CNBD1: variants seen among roughly 807,000 people sequenced by gnomAD.
The protein encoded by CNBD1 is cyclic nucleotide binding domain containing 1, also known as cyclic nucleotide-binding domain-containing protein 1.
In CNBD1, 71 loss-of-function variants were observed where a neutral mutation model predicts 54.4. The observed-to-expected ratio is 1.30, with a 90% CI of 1.08 to 1.59. CNBD1 has a LOEUF of 1.59. Among genes scored for constraint, CNBD1 ranks in the 40% most tolerant of loss-of-function variants. The probability of loss-of-function intolerance (pLI) is 0.00; values close to 1 mark genes in which losing one functional copy is unlikely to be tolerated. For synonymous variants in CNBD1, 182 were observed against 170.7 expected, an observed-to-expected ratio of 1.07 and a Z score of -0.51; for missense variants, 659 against 518.0, an observed-to-expected ratio of 1.27 and a Z score of -2.64.
chr8:87,260,724 A>C (rs747480534), intron 6 of CNBD1, among the ~76,000 whole-genome samples: 30 of 151,924 alleles, frequency 2.0e-4, no homozygotes, highest in Non-Finnish European at 3.8e-4. Flanking sequence ...CCCACAACAC[A>C]GAAGAAAATC....
At chr8:87,312,579 T>C (rs1809291254) in intron 8 of CNBD1, among the ~76,000 whole-genome samples, 1 of 152,110 alleles carries the variant, frequency 6.6e-6, no homozygotes, top group Non-Finnish European at 1.5e-5. Flanking sequence ...CTTTTCTGAC[T>C]ACAGCATTCT....
chr8:87,302,922 C>T (rs1809043402), intron 8 of CNBD1, among the ~76,000 whole-genome samples: 1 of 151,838 alleles, frequency 6.6e-6, no homozygotes, highest in African/African-American at 2.4e-5. Flanking sequence ...AGGAATCCAA[C>T]TTACAAGGGA....
intron 4 of CNBD1, among the ~76,000 whole-genome samples, chr8:87,136,638 T>C (rs1812235827): frequency 2.0e-4 from 4 of 19,774 alleles, no homozygotes; most frequent in African/African-American, 1.0e-3. Flanking sequence ...ATTTATATTA[T>C]ATATAAATTA....
chr8:87,252,664 G>A (rs1487617126), intron 6 of CNBD1, among the ~76,000 whole-genome samples: 1 of 152,102 alleles, frequency 6.6e-6, no homozygotes, highest in Non-Finnish European at 1.5e-5. Context: ...GTAAAGTTCT[G>A]ATAGATGTCA....
chr8:87,373,419 C>T (rs28607451), intron 10 of CNBD1, among the ~76,000 whole-genome samples: 1,893 of 151,944 alleles, frequency 0.012, 47 homozygotes, highest in African/African-American at 0.043. Flanking sequence ...ACCCTTGCTG[C>T]ATCTCTCGCT....
At chr8:87,025,839 G>A (rs889261822) in intron 4 of CNBD1, among the ~76,000 whole-genome samples, 4 of 151,984 alleles carry the variant, frequency 2.6e-5, no homozygotes, top group Non-Finnish European at 5.9e-5. Context: ...GACTGTCTGC[G>A]GCTTCATTCT....
intron 2 of CNBD1, among the ~76,000 whole-genome samples, chr8:86,903,932 G>A (rs1333868457): frequency 6.6e-6 from 1 of 151,628 alleles, no homozygotes; most frequent in African/African-American, 2.4e-5. Context: ...TTCGATGCTT[G>A]GTGAATGTAT....
intron 3 of CNBD1, among the ~76,000 whole-genome samples, chr8:86,913,005 CAA>C (rs778323675): frequency 6.6e-6 from 1 of 151,968 alleles, no homozygotes; most frequent in Non-Finnish European, 1.5e-5. Context: ...AAGATAGAAA[CAA>C]AGAGCATATT....
chr8:87,369,275 G>T (rs1399187876), intron 10 of CNBD1, among the ~76,000 whole-genome samples: 1 of 151,888 alleles, frequency 6.6e-6, no homozygotes, highest in Non-Finnish European at 1.5e-5. Flanking sequence ...GTAAGATTTG[G>T]TTTCCTAGGT....
Position 87,228,926 on chromosome 8 carries a change from G to A in CNBD1, c.578-7993G>A, listed in dbSNP as rs552165777. Among the ~76,000 whole-genome samples the A allele has an allele frequency of 2.5e-3, 387 of 152,338 alleles. 1 individual carries two copies. The highest frequency in any genetic ancestry group is 9.0e-3 in the African/African-American group (374 of 41,578). ...GGGTAGGACCCTCCGAGCCAGGTGG[G>A]GGATATAATCTCATGGTGCGCCGTT... is the stretch of plus-strand genomic sequence containing the variant. On this transcript the variant is annotated intron_variant, in intron 5 of 10. Transcript: ENST00000518476.
At chr8:86,897,086 A>C (rs1278829217) in intron 2 of CNBD1, among the ~76,000 whole-genome samples, 2 of 152,220 alleles carry the variant, frequency 1.3e-5, no homozygotes. Flanking sequence ...TATAGGGAGA[A>C]TCACCAGAAC....
intron 6 of CNBD1, among the ~76,000 whole-genome samples, chr8:87,253,161 C>T (rs754919945): frequency 2.0e-5 from 3 of 152,136 alleles, no homozygotes; most frequent in Non-Finnish European, 2.9e-5. Context: ...AATATATTCT[C>T]TTTTTCCCTT....
intron 4 of CNBD1, among the ~76,000 whole-genome samples, chr8:87,153,511 A>G (rs999124372): frequency 1.3e-5 from 2 of 152,222 alleles, no homozygotes; most frequent in African/African-American, 2.4e-5. Flanking sequence ...GACCAAGGCA[A>G]TGCAGATCAG....
chr8:87,230,595 C>T (rs890909604), intron 5 of CNBD1, among the ~76,000 whole-genome samples: 6 of 152,080 alleles, frequency 3.9e-5, no homozygotes, highest in Non-Finnish European at 7.4e-5. Flanking sequence ...CATTCTGAGC[C>T]TTGGTTTCTT....
intron 6 of CNBD1, among the ~76,000 whole-genome samples, chr8:87,266,611 C>T (rs185955806): frequency 4.2e-4 from 64 of 151,502 alleles, no homozygotes; most frequent in African/African-American, 1.4e-3. Flanking sequence ...GCCACCACCC[C>T]GGCTAATTTT....
chr8:86,887,500 A>G (rs1808698385), intron 1 of CNBD1, 42 bp from the exon 2 acceptor site: 2 of 1,271,534 alleles, frequency 1.6e-6, no homozygotes, highest in Non-Finnish European at 2.2e-6. Flanking sequence ...GCTTAATAAG[A>G]TTATGGAAAA....
rs199958589 is a variant in CNBD1 at position 87,290,231 on chromosome 8, ATG to A, written c.1042+3562_1042+3563del. ...ATACATTATTATTTTATATAAAGTT[ATG>A]TCTCAAAAACAAAGAAAAAAGAGAT... On this transcript the variant is annotated intron_variant, in intron 8 of 10. Transcript: ENST00000518476. 5.3e-3 allele frequency among the ~76,000 whole-genome samples: 808 copies of A among 152,108 alleles called. 8 individuals are homozygous for A. The highest frequency in any genetic ancestry group is 0.018 in the African/African-American group (767 of 41,524).
intron 4 of CNBD1, among the ~76,000 whole-genome samples, chr8:86,969,762 C>A (rs565482922): frequency 6.7e-6 from 1 of 148,766 alleles, no homozygotes; most frequent in Non-Finnish European, 1.5e-5. Context: ...TTCTCCTATT[C>A]AACTAAGGAC....
At chr8:87,230,010 C>T (rs1586348439) in intron 5 of CNBD1, among the ~76,000 whole-genome samples, 1 of 151,978 alleles carries the variant, frequency 6.6e-6, no homozygotes, top group Admixed American at 6.6e-5. Context: ...TGTATAGGAG[C>T]CATGATGCTG....
Sources: gnomAD v4.1 joint callset for allele counts (sites outside exome capture counted in the v4.1 genomes callset) on GRCh38, gnomAD v4.1.1 for gene constraint, MANE v1.5 for transcripts, NCBI Gene and HGNC (gene_info 2026-07-23, HGNC 2026-07-21) for gene names.